Variants in LYPD5 observed in about 807,000 individuals in gnomAD.
LYPD5 encodes ly6/PLAUR domain-containing protein 5.
Under a neutral mutation model 19.1 loss-of-function variants are expected in LYPD5, and 21 were observed. The ratio of observed to expected loss-of-function variants is 1.10; its 90% CI spans 0.78 to 1.58. LYPD5 has a LOEUF of 1.58. LYPD5 is among the 40% of genes most tolerant of loss of function. The pLI, the probability that LYPD5 is intolerant of heterozygous loss-of-function variation, is 0.00. For synonymous variants in LYPD5, 128 were observed against 142.7 expected (o/e 0.90, Z 0.74); for missense variants, 287 against 329.8 (o/e 0.87, Z 1.00).
chr19:43,802,057 A>C (rs1970228507), intron 1 of LYPD5, among the ~76,000 whole-genome samples: 1 of 152,146 alleles, frequency 6.6e-6, no homozygotes, highest in Admixed American at 6.6e-5. Context: ...AGAAGAACAA[A>C]GGCAGGGAAG....
At chr19:43,807,072 C>G (rs574803165), upstream of LYPD5, among the ~76,000 whole-genome samples, 15 of 152,292 alleles carry the variant, frequency 9.8e-5, no homozygotes, top group South Asian at 2.7e-3. Flanking sequence ...ACACCGCATT[C>G]TATTTATTCA....
intron 1 of LYPD5, among the ~76,000 whole-genome samples, chr19:43,812,807 A>C (rs2146506155): frequency 6.6e-6 from 1 of 152,334 alleles, no homozygotes; most frequent in African/African-American, 2.4e-5. Context: ...ACTACACGCA[A>C]ATTAAGGGAC....
At chr19:43,798,692 G>T in intron 3 of LYPD5, 91 bp from the exon 4 acceptor site, 2 of 1,565,412 alleles carry the variant, frequency 1.3e-6, no homozygotes, top group Non-Finnish European at 8.7e-7. Context: ...CGCCTAGCAC[G>T]TCTCGGGGGT....
chr19:43,800,396 CA>C (rs1970207006), intron 1 of LYPD5, among the ~76,000 whole-genome samples: 1 of 152,190 alleles, frequency 6.6e-6, no homozygotes, highest in Non-Finnish European at 1.5e-5. Flanking sequence ...CATTCTCACA[CA>C]AAACAAGTAC....
rs574037814 is a variant in LYPD5 at position 43,798,554 on chromosome 19, C to G, written c.418G>C (p.Gly140Arg). Reference protein sequence around the residue: ...LSGAECYACIGVHQDDCAIGR... With the variant: ...LSGAECYACIRVHQDDCAIGR... ...ATAGCGCAGTCATCCTGGTGGACCC[C>G]GATACAGGCGTAGCACTCGGCGCCG... Residue 140 changes from glycine to arginine, a missense_variant, in exon 4 of 5, where the codon GGG becomes CGG. Coordinates refer to ENST00000377950, the MANE Select transcript of LYPD5 (RefSeq NM_001031749.3). 2 of 1,611,704 alleles carry G rather than the reference C, an allele frequency of 1.2e-6. No homozygotes were observed. The highest frequency in any genetic ancestry group is 4.5e-5 in the East Asian group (2 of 44,888).
At position 43,807,515 on chromosome 19, in the gene LYPD5, C is replaced by A. The variant is rs530846212; in HGVS notation, c.-65-7681G>T. On this transcript the variant is annotated intron_variant, in intron 1 of 4. Coordinates refer to the LYPD5 transcript ENST00000414615. ...GCCAGGCTGGTCTCGAACTCCTGAT[C>A]TCAGGTGATCCGCCTGCCTCGGCCT... Among the ~76,000 whole-genome samples the A allele has an allele frequency of 7.2e-5, 11 of 152,228 alleles. No homozygotes were observed. The East Asian group carries it at 1.9e-3, about 27-fold the overall frequency.
upstream of LYPD5, among the ~76,000 whole-genome samples, chr19:43,805,021 C>T (rs905241845): frequency 6.6e-5 from 10 of 152,156 alleles, no homozygotes; most frequent in African/African-American, 9.7e-5. Flanking sequence ...TTGGGAGCAT[C>T]CATCTGGCTG....
intron 1 of LYPD5, among the ~76,000 whole-genome samples, chr19:43,816,023 C>T (rs1374158162): frequency 6.7e-6 from 1 of 149,378 alleles, no homozygotes; most frequent in African/African-American, 2.5e-5. Flanking sequence ...TGTGAGCCAC[C>T]ACGCCCCACT....
intron 1 of LYPD5, among the ~76,000 whole-genome samples, chr19:43,812,293 A>G (rs375746011): frequency 6.6e-6 from 1 of 152,166 alleles, no homozygotes; most frequent in Non-Finnish European, 1.5e-5. Flanking sequence ...GACACTAACA[A>G]AAGGTGTGGA....
upstream of LYPD5, among the ~76,000 whole-genome samples, chr19:43,803,668 C>T (rs1970247051): frequency 6.6e-6 from 1 of 152,212 alleles, no homozygotes; most frequent in Non-Finnish European, 1.5e-5. Flanking sequence ...CTTGTACAGT[C>T]ATCCCTCGGT....
chr19:43,800,683 CA>C (rs1407545040), intron 1 of LYPD5, among the ~76,000 whole-genome samples: 1 of 152,052 alleles, frequency 6.6e-6, no homozygotes, highest in Non-Finnish European at 1.5e-5. Context: ...ATATGGAGGC[CA>C]GGGGTGGTGG....
At chr19:43,801,770 A>G (rs1273194938) in intron 1 of LYPD5, among the ~76,000 whole-genome samples, 1 of 152,178 alleles carries the variant, frequency 6.6e-6, no homozygotes, top group East Asian at 1.9e-4. Context: ...CCCATTAAGG[A>G]GCAGAAACAC....
chr19:43,798,786 G>C (rs745858993), intron 3 of LYPD5, 26 bp downstream of exon 3: 1 of 1,591,876 alleles, frequency 6.3e-7, no homozygotes, highest in African/African-American at 1.3e-5. Flanking sequence ...GTCCCTCCCG[G>C]AGCCCAGCCC....
intron 4 of LYPD5, 54 bp downstream of exon 4, chr19:43,798,401 C>T: frequency 6.3e-7 from 1 of 1,593,620 alleles, no homozygotes; most frequent in Non-Finnish European, 8.5e-7. Context: ...ACCCTCATGG[C>T]TGCCCTGCCT....
At chr19:43,818,348 T>C (rs1162561541) in intron 1 of LYPD5, among the ~76,000 whole-genome samples, 1 of 152,056 alleles carries the variant, frequency 6.6e-6, no homozygotes, top group Non-Finnish European at 1.5e-5. Context: ...AAGTATAGTG[T>C]GGTAGGGAAG....
At chr19:43,820,569 A>C (rs1214863983) in exon 1 of LYPD5, 4 of 151,738 alleles carry the variant, frequency 2.6e-5, no homozygotes, top group Non-Finnish European at 5.9e-5. Flanking sequence ...ATGAGTCCGC[A>C]ACGCCCTCTG....
chr19:43,806,738 T>C (rs1406855267), upstream of LYPD5, among the ~76,000 whole-genome samples: 1 of 152,182 alleles, frequency 6.6e-6, no homozygotes, highest in Non-Finnish European at 1.5e-5. Context: ...TGGTGAGTTA[T>C]ATAATTATTT....
chr19:43,819,472 G>C (rs1970402108), intron 1 of LYPD5, among the ~76,000 whole-genome samples: 1 of 151,888 alleles, frequency 6.6e-6, no homozygotes, highest in East Asian at 1.9e-4. Context: ...TAGCACAGGA[G>C]GGATTGGCTT....
intron 1 of LYPD5, among the ~76,000 whole-genome samples, chr19:43,816,067 T>TATCTATCTATCA (rs1486341012): frequency 2.0e-5 from 3 of 152,032 alleles, no homozygotes; most frequent in African/African-American, 7.2e-5. Context: ...TCTATCTATC[T>TATCTATCTATCA]ATCTATCTAT....
Sources: allele counts gnomAD v4.1 joint callset (sites outside exome capture counted in the v4.1 genomes callset), GRCh38; gene constraint gnomAD v4.1.1; transcripts MANE v1.5; gene names NCBI Gene and HGNC (gene_info 2026-07-23, HGNC 2026-07-21).